The following KLHL42 variants were observed in gnomAD, a reference collection of about 807,000 sequenced individuals.
KLHL42 encodes the protein kelch like family member 42, also known as kelch-like protein 42.
In KLHL42, 27 loss-of-function variants were observed where a neutral mutation model predicts 32.7. The ratio of observed to expected loss-of-function variants is 0.83; its 90% CI spans 0.61 to 1.14. The LOEUF (loss-of-function observed/expected upper bound fraction) is 1.14. KLHL42 is among the 50% of genes most tolerant of loss of function. The pLI, the probability that KLHL42 is intolerant of heterozygous loss-of-function variation, is 0.00. For missense variants in KLHL42, 491 were observed against 560.8 expected, an observed-to-expected ratio of 0.88 and a Z score of 1.26; for synonymous variants, 267 against 248.2, an observed-to-expected ratio of 1.08 and a Z score of -0.71.
chr12:27,789,064 T>C (rs2062185287), intron 1 of KLHL42, among the ~76,000 whole-genome samples: 1 of 152,204 alleles, frequency 6.6e-6, no homozygotes, highest in African/African-American at 2.4e-5. Context: ...AACATCACAG[T>C]CAGTGACTGT....
At chr12:27,781,534 T>A (rs1482777282) in intron 1 of KLHL42, among the ~76,000 whole-genome samples, 1 of 152,218 alleles carries the variant, frequency 6.6e-6, no homozygotes, top group Non-Finnish European at 1.5e-5. Context: ...CCTTAATTTT[T>A]AAAAAATTTG....
At chr12:27,791,591 C>G in intron 1 of KLHL42, 117 bp from the exon 2 acceptor site, 1 of 891,232 alleles carries the variant, frequency 1.1e-6, no homozygotes, top group Non-Finnish European at 1.8e-6. Context: ...GAATGGCCCC[C>G]AACTGGGAGA....
Position 27,800,514 on chromosome 12 carries a change from G to T in KLHL42, c.*2348G>T. The T allele has an allele frequency of 6.3e-6, 2 of 315,486 alleles. No homozygotes were observed. Among genetic ancestry groups the T allele is most frequent in the Non-Finnish European group, 9.2e-6 (2 of 217,452 alleles). The allele number at this position is 315,486 out of a possible 1,614,324, so 19.5% of individuals were successfully genotyped here. On this transcript the variant is annotated 3_prime_UTR_variant, in exon 3 of 3. Transcript: ENST00000381271. ...TTTGTGACATCGTCCTTCCTGCTGT[G>T]CACATCAGCTGTGATGACATTTTGA...
At chr12:27,781,803 G>A (rs1430487210) in intron 1 of KLHL42, among the ~76,000 whole-genome samples, 1 of 152,186 alleles carries the variant, frequency 6.6e-6, no homozygotes, top group Non-Finnish European at 1.5e-5. Context: ...GAGCCTGGAA[G>A]TGTTCAACTA....
In KLHL42 at chr12:27,781,074, T is replaced by A; in HGVS notation, c.744T>A (p.Ser248=). 1 of 1,614,136 alleles carries A rather than the reference T, an allele frequency of 6.2e-7. No individual in the cohort carries two copies. The highest frequency in any genetic ancestry group is 8.5e-7 in the Non-Finnish European group (1 of 1,180,002). The change falls in exon 1 of 3, where the codon TCT becomes TCA. Residue 248 remains serine, a synonymous_variant. Transcript: ENST00000381271. ...PDLVNVRGYG[S]AILDNYLFIV... ...TGGTCAATGTCAGGGGCTATGGGTC[T>A]GCCATCCTGGACAACTACCTCTTCA...
intron 2 of KLHL42, among the ~76,000 whole-genome samples, chr12:27,792,522 T>TA (rs763668507): frequency 4.3e-4 from 66 of 152,246 alleles, no homozygotes; most frequent in South Asian, 1.2e-3. Flanking sequence ...TTTATTTGTT[T>TA]ATTTATTTAT....
intron 2 of KLHL42, among the ~76,000 whole-genome samples, chr12:27,794,537 G>A (rs935591910): frequency 6.6e-6 from 1 of 152,112 alleles, no homozygotes; most frequent in African/African-American, 2.4e-5. Context: ...TATTGCCCAG[G>A]AAATAGTGTA....
At chr12:27,782,765 TAAA>T (rs36051142) in intron 1 of KLHL42, among the ~76,000 whole-genome samples, 2 of 140,738 alleles carry the variant, frequency 1.4e-5, no homozygotes, top group African/African-American at 2.7e-5. Context: ...TTCATCCCCT[TAAA>T]AAAAAAAAAA....
intron 1 of KLHL42, among the ~76,000 whole-genome samples, chr12:27,785,536 G>A (rs906693517): frequency 6.6e-6 from 1 of 152,084 alleles, no homozygotes; most frequent in Non-Finnish European, 1.5e-5. Flanking sequence ...TATTGATGCT[G>A]TATTGGAAAT....
At chr12:27,792,165 G>C in intron 2 of KLHL42, 1 of 247,588 alleles carries the variant, frequency 4.0e-6, no homozygotes, top group Non-Finnish European at 7.8e-6. Context: ...CTTTTTTTTT[G>C]CTTCTGGAAA....
In KLHL42 at chr12:27,780,414, C is replaced by G. The variant is rs751036739; in HGVS notation, c.84C>G (p.Asp28Glu). Residue 28 changes from aspartate to glutamate, a missense_variant, in exon 1 of 3, where the codon GAC becomes GAG. This residue lies in a region of KLHL42 where 88 missense variants were observed against 89.0 expected (regional missense o/e 0.99). Coordinates refer to ENST00000381271, the MANE Select transcript of KLHL42 (RefSeq NM_020782.2). This position sits in a 1 kb window ranked among gnomAD's most constrained non-coding sequence, Gnocchi z 8.8. ...AGAGGAAGCTCATCGAGCAGAGCGA[C>G]TACTTCCGCGCCCTCTACCGCTCCG... ...VSKRKLIEQSDYFRALYRSGM... is the reference protein window; with the variant it reads ...VSKRKLIEQSEYFRALYRSGM... 3.2e-6 allele frequency: 5 copies of G among 1,560,778 alleles called. No homozygotes were observed. The South Asian group carries it at 5.9e-5, about 18-fold the overall frequency.
rs750488052 is a variant in KLHL42 at position 27,798,124 on chromosome 12, G to A, written c.1476G>A (p.Leu492=). Residue 492 remains leucine (L), a synonymous_variant, in exon 3 of 3, where the codon TTG becomes TTA. Transcript: ENST00000381271. Reference sequence around the variant, plus strand: ...GTTTTCCAGCTTTTGGACATAACTTGCTGGTTTCTTCTCTTTATCTGCCCA... The same window carrying A: ...GTTTTCCAGCTTTTGGACATAACTTACTGGTTTCTTCTCTTTATCTGCCCA... ...FRRFPAFGHN[L]LVSSLYLPNK... is the part of the protein sequence containing the mutation. 7 of 780,748 alleles carry A rather than the reference G, an allele frequency of 9.0e-6. No homozygotes were observed. The South Asian group carries it at 9.4e-5, about 10-fold the overall frequency. 48.4% of individuals were successfully genotyped at this position (780,748 alleles called of 1,614,324 possible). A position where few individuals can be genotyped will look rare whatever the true frequency, so the allele number is the denominator to read the frequency against.
Position 27,800,423 on chromosome 12 carries a change from G to T in KLHL42, c.*2257G>T, listed in dbSNP as rs2140826905. 1 of 974,380 alleles carries T rather than the reference G, an allele frequency of 1.0e-6. No homozygotes were observed. Among genetic ancestry groups the T allele is most frequent in the African/African-American group, 1.8e-5 (1 of 56,968 alleles). The allele number at this position is 974,380 out of a possible 1,614,324, so 60.4% of individuals were successfully genotyped here. A position where few individuals can be genotyped will look rare whatever the true frequency, so the allele number is the denominator to read the frequency against. On this transcript the variant is annotated 3_prime_UTR_variant, in exon 3 of 3. Coordinates refer to ENST00000381271, the MANE Select transcript of KLHL42 (RefSeq NM_020782.2). The stretch of plus-strand genomic sequence containing the variant: ...TAAGACAGACATCTAAAAAGATTTT[G>T]GTTATTCTGGGCTGCCAGCAGTACG...
At chr12:27,781,804 T>G (rs971822913) in intron 1 of KLHL42, among the ~76,000 whole-genome samples, 1 of 152,212 alleles carries the variant, frequency 6.6e-6, no homozygotes, top group Non-Finnish European at 1.5e-5. Context: ...AGCCTGGAAG[T>G]GTTCAACTAC....
rs757082594 is a variant in KLHL42 at position 27,802,560 on chromosome 12, G to A, written c.*4394G>A. ...TCACACCAACTGACACGTTGCTGAC[G>A]TCTGTACTTGACATAACCATTTTTA... On this transcript the variant is annotated 3_prime_UTR_variant, in exon 3 of 3. Coordinates refer to ENST00000381271, the MANE Select transcript of KLHL42 (RefSeq NM_020782.2). 5 of 152,486 alleles carry A rather than the reference G, an allele frequency of 3.3e-5. No individual in the cohort carries two copies. The highest frequency in any genetic ancestry group is 5.9e-5 in the Non-Finnish European group (4 of 68,022). 9.4% of individuals were successfully genotyped at this position (152,486 alleles called of 1,614,324 possible).
At chr12:27,792,775 A>G (rs1010772462) in intron 2 of KLHL42, among the ~76,000 whole-genome samples, 4 of 152,138 alleles carry the variant, frequency 2.6e-5, no homozygotes, top group African/African-American at 4.8e-5. Context: ...CACCTGCCTT[A>G]GCCTCCCAAG....
Position 27,780,640 on chromosome 12 carries a change from G to C in KLHL42, c.310G>C (p.Glu104Gln), listed in dbSNP as rs1328141926. The C allele has an allele frequency of 2.5e-6, 4 of 1,573,718 alleles. No individual in the cohort carries two copies. In the South Asian group the frequency reaches 3.6e-5, roughly 14 times the overall value. ...GATGGATGAGGTGAGCCTGCTGTCC[G>C]AGCTGGTGGAGGCGGCCTCCTTCCT... The part of the protein sequence containing the change: ...EEMDEVSLLS[E>Q]LVEAASFLQV... The change falls in exon 1 of 3, where the codon GAG becomes CAG. Residue 104 changes from glutamate to glutamine, a missense_variant. This residue lies in a region of KLHL42 where 248 missense variants were observed against 329.2 expected (regional missense o/e 0.75). Transcript: ENST00000381271. This position sits in a 1 kb window ranked among gnomAD's most constrained non-coding sequence, Gnocchi z 8.8.
At position 27,798,870 on chromosome 12, in the gene KLHL42, G is replaced by A. The variant is rs1207111764; in HGVS notation, c.*704G>A. 6.6e-6 allele frequency: 1 copy of A among 152,300 alleles called. No individual in the cohort carries two copies. Among genetic ancestry groups the A allele is most frequent in the African/African-American group, 2.4e-5 (1 of 41,302 alleles). The allele number at this position is 152,300 out of a possible 1,614,324, so 9.4% of individuals were successfully genotyped here. A position where few individuals can be genotyped will look rare whatever the true frequency, so the allele number is the denominator to read the frequency against. On this transcript the variant is annotated 3_prime_UTR_variant, in exon 3 of 3. Coordinates refer to ENST00000381271, the MANE Select transcript of KLHL42 (RefSeq NM_020782.2). ...ACCTCTTATTTTATTTATGTGGCAG[G>A]TTGCATATTTATGTGGACACATAGG...
rs550180996 is a variant in KLHL42, at chr12:27,783,373, C to G, written c.872+2171C>G. Among the ~76,000 whole-genome samples the G allele has an allele frequency of 2.6e-5, 4 of 151,858 alleles. No individual in the cohort carries two copies. In the South Asian group the frequency reaches 6.3e-4, roughly 24 times the overall value. On this transcript the variant is annotated intron_variant, in intron 1 of 2. Coordinates refer to ENST00000381271, the MANE Select transcript of KLHL42 (RefSeq NM_020782.2). The stretch of plus-strand genomic sequence containing the variant: ...GTTCAAACCCGTGTTATTAAAGGAT[C>G]AGCTGTATAAGTATATTGATAGTGG...
Sources: allele counts gnomAD v4.1 joint callset (sites outside exome capture counted in the v4.1 genomes callset), GRCh38; gene constraint gnomAD v4.1.1; regional missense constraint gnomAD v4.1.1; non-coding constraint Gnocchi (gnomAD v3.1); transcripts MANE v1.5; gene names NCBI Gene and HGNC (gene_info 2026-07-23, HGNC 2026-07-21).